KCNIP4: variants seen among roughly 807,000 people sequenced by gnomAD.
The protein encoded by KCNIP4 is Kv channel-interacting protein 4.
A neutral mutation model predicts 34.0 loss-of-function variants in KCNIP4; 12 were observed. That is an observed-to-expected ratio of 0.35 (90% CI 0.23 to 0.57). KCNIP4 has a LOEUF of 0.57. KCNIP4 is among the 20% of genes least tolerant of loss of function. The pLI is 0.83. For missense variants in KCNIP4, 238 were observed against 311.7 expected (o/e 0.76, Z 1.78); for synonymous variants, 124 against 102.2 (o/e 1.21, Z -1.29).
At chr4:21,299,624 G>A (rs1334883622) in intron 1 of KCNIP4, among the ~76,000 whole-genome samples, 1 of 152,182 alleles carries the variant, frequency 6.6e-6, no homozygotes, top group Non-Finnish European at 1.5e-5. Flanking sequence ...GAACCAGAAT[G>A]CTGGGAGAAT....
intron 5 of KCNIP4, among the ~76,000 whole-genome samples, chr4:20,746,265 C>A (rs769569019): frequency 6.6e-6 from 1 of 152,012 alleles, no homozygotes; most frequent in African/African-American, 2.4e-5. Flanking sequence ...AGCAAACTAT[C>A]ATGAGAACAG....
intron 1 of KCNIP4, among the ~76,000 whole-genome samples, chr4:21,189,476 C>T (rs1755476961): frequency 6.6e-6 from 1 of 152,202 alleles, no homozygotes; most frequent in Non-Finnish European, 1.5e-5. Flanking sequence ...TTACTAGCAG[C>T]AGTTTCTGAT....
chr4:21,367,529 G>T (rs1719912167), intron 1 of KCNIP4, among the ~76,000 whole-genome samples: 1 of 130,918 alleles, frequency 7.6e-6, no homozygotes, highest in Non-Finnish European at 1.5e-5. Flanking sequence ...AACCAAGGCT[G>T]GGTCAGGATA....
At chr4:21,025,560 T>TTG (rs1560656650) in intron 1 of KCNIP4, among the ~76,000 whole-genome samples, 2 of 125,556 alleles carry the variant, frequency 1.6e-5, no homozygotes, top group South Asian at 2.8e-4. Context: ...TTTTTTTTTT[T>TTG]TTTTTTTTTT....
intron 1 of KCNIP4, among the ~76,000 whole-genome samples, chr4:21,447,370 T>C (rs1295005154): frequency 6.6e-6 from 1 of 152,134 alleles, no homozygotes; most frequent in Non-Finnish European, 1.5e-5. Context: ...TGCTGACAAC[T>C]TGATCTTGGC....
chr4:20,804,924 G>A (rs1348454317), intron 3 of KCNIP4, among the ~76,000 whole-genome samples: 1 of 152,072 alleles, frequency 6.6e-6, no homozygotes, highest in Non-Finnish European at 1.5e-5. Context: ...AAATCTAACT[G>A]ACACAATTCT....
chr4:21,201,459 T>C (rs570048275), intron 1 of KCNIP4, among the ~76,000 whole-genome samples: 10 of 152,332 alleles, frequency 6.6e-5, no homozygotes, highest in African/African-American at 2.4e-4. Flanking sequence ...ATCATACCAT[T>C]GCAGGATACT....
chr4:20,786,303 G>A (rs1578615976), intron 3 of KCNIP4, among the ~76,000 whole-genome samples: 1 of 151,978 alleles, frequency 6.6e-6, no homozygotes, highest in Non-Finnish European at 1.5e-5. Context: ...AAAGAAGGAG[G>A]GAGAAAAGAG....
intron 1 of KCNIP4, among the ~76,000 whole-genome samples, chr4:21,891,372 A>C (rs933639538): frequency 1.3e-5 from 2 of 152,118 alleles, no homozygotes; most frequent in Non-Finnish European, 2.9e-5. Flanking sequence ...AATGAACCTT[A>C]AAACTAAGGA....
At chr4:20,891,530 G>A (rs1046913532) in intron 1 of KCNIP4, among the ~76,000 whole-genome samples, 16 of 152,060 alleles carry the variant, frequency 1.1e-4, no homozygotes, top group East Asian at 3.9e-4. Context: ...ACTTGAACCC[G>A]GGAGGCAGAG....
At chr4:21,598,538 C>A (rs1742834801) in intron 1 of KCNIP4, among the ~76,000 whole-genome samples, 1 of 151,976 alleles carries the variant, frequency 6.6e-6, no homozygotes, top group Non-Finnish European at 1.5e-5. Flanking sequence ...TGGATTTGGC[C>A]TGGGGTTTAT....
intron 1 of KCNIP4, among the ~76,000 whole-genome samples, chr4:21,073,705 G>C (rs936906894): frequency 2.0e-5 from 3 of 152,102 alleles, no homozygotes; most frequent in African/African-American, 7.2e-5. Flanking sequence ...GGGCGTCCCT[G>C]TCTTGCGCCA....
intron 1 of KCNIP4, among the ~76,000 whole-genome samples, chr4:21,333,168 C>T (rs1411626440): frequency 1.3e-5 from 2 of 152,000 alleles, no homozygotes; most frequent in Non-Finnish European, 2.9e-5. Context: ...AATTTGATTG[C>T]TTCTTAATTC....
At chr4:20,812,906 C>T (rs992936068) in intron 3 of KCNIP4, among the ~76,000 whole-genome samples, 6 of 150,966 alleles carry the variant, frequency 4.0e-5, no homozygotes, top group South Asian at 2.1e-4. Context: ...TCTGGGACTG[C>T]GTACCTCCAA....
chr4:21,903,382 A>G (rs1727814272), intron 1 of KCNIP4, among the ~76,000 whole-genome samples: 1 of 152,180 alleles, frequency 6.6e-6, no homozygotes, highest in Non-Finnish European at 1.5e-5. Flanking sequence ...ATCTGATGAT[A>G]TAATATTATT....
chr4:20,874,841 A>T (rs750720255), intron 2 of KCNIP4, among the ~76,000 whole-genome samples: 1 of 152,206 alleles, frequency 6.6e-6, no homozygotes, highest in Non-Finnish European at 1.5e-5. Flanking sequence ...TAGGTAAAAC[A>T]TATAGCCAAT....
intron 1 of KCNIP4, among the ~76,000 whole-genome samples, chr4:21,651,827 T>C (rs1200614988): frequency 2.0e-5 from 3 of 152,208 alleles, no homozygotes; most frequent in African/African-American, 4.8e-5. Context: ...AGGTAAGTTA[T>C]TGAACTTCAT....
chr4:21,683,446 ATTTTTTTTTTTTTTTTTTTTTTTT>A (rs71191533), intron 1 of KCNIP4, among the ~76,000 whole-genome samples: 3 of 46,554 alleles, frequency 6.4e-5, no homozygotes, highest in African/African-American at 1.4e-4. Context: ...GTGAAGCCAG[ATTTTTTTTTTTTTTTTTTTTTTTT>A]TTTTTTTTTT....
chr4:21,465,334 A>G (rs13118963), intron 1 of KCNIP4, among the ~76,000 whole-genome samples: 17,814 of 152,168 alleles, frequency 0.12, 1,241 homozygotes, highest in South Asian at 0.16. Context: ...TACATAAGAT[A>G]TACTTTCCAG....
Sources: gnomAD v4.1 joint callset for allele counts (sites outside exome capture counted in the v4.1 genomes callset) on GRCh38, gnomAD v4.1.1 for gene constraint, MANE v1.5 for transcripts, NCBI Gene and HGNC (gene_info 2026-07-23, HGNC 2026-07-21) for gene names.